FHIT: variants seen among roughly 807,000 people sequenced by gnomAD.
FHIT encodes the protein fragile histidine triad diadenosine triphosphatase, also known as bis(5'-adenosyl)-triphosphatase.
In FHIT, 19 loss-of-function variants were observed where a neutral mutation model predicts 17.9. That is an observed-to-expected ratio of 1.06 (90% CI 0.74 to 1.56). The LOEUF is 1.56. Among genes scored for constraint, FHIT ranks in the 40% most tolerant of loss-of-function variants. The pLI is 0.00. For synonymous variants in FHIT, 81 were observed against 69.7 expected, an observed-to-expected ratio of 1.16 and a Z score of -0.81; for missense variants, 248 against 189.2, an observed-to-expected ratio of 1.31 and a Z score of -1.82.
intron 3 of FHIT, among the ~76,000 whole-genome samples, chr3:60,850,315 G>A (rs1349463383): frequency 2.8e-5 from 4 of 145,442 alleles, no homozygotes; most frequent in Non-Finnish European, 4.5e-5. Context: ...GGGCCTTTGT[G>A]TCTGCACTTC....
At chr3:60,599,240 A>G (rs1376992742) in intron 4 of FHIT, among the ~76,000 whole-genome samples, 1 of 152,146 alleles carries the variant, frequency 6.6e-6, no homozygotes, top group Non-Finnish European at 1.5e-5. Context: ...AAAGGGGCTC[A>G]CTATTCTTCC....
intron 5 of FHIT, among the ~76,000 whole-genome samples, chr3:60,322,536 G>C (rs1051192960): frequency 3.3e-5 from 5 of 152,130 alleles, no homozygotes; most frequent in Admixed American, 2.0e-4. Context: ...ACTTTTACAG[G>C]TTCACCCAGT....
chr3:59,946,106 T>C (rs376643417), intron 7 of FHIT, among the ~76,000 whole-genome samples: 1 of 152,226 alleles, frequency 6.6e-6, no homozygotes, highest in East Asian at 1.9e-4. Context: ...AATCTATAAA[T>C]TGCTTTGGGC....
At chr3:61,102,494 G>A (rs1336149736) in intron 2 of FHIT, among the ~76,000 whole-genome samples, 2 of 152,136 alleles carry the variant, frequency 1.3e-5, no homozygotes, top group Non-Finnish European at 2.9e-5. Flanking sequence ...ATGTTCATTA[G>A]GGATATTGGT....
intron 2 of FHIT, among the ~76,000 whole-genome samples, chr3:61,148,364 A>G (rs538594529): frequency 6.6e-6 from 1 of 152,280 alleles, no homozygotes; most frequent in South Asian, 2.1e-4. Context: ...GATCCTTTCT[A>G]GCAATAGTCT....
At position 59,793,616 on chromosome 3, in the gene FHIT, A is replaced by G. The variant is rs146042633; in HGVS notation, c.349-41295T>C. On this transcript the variant is annotated intron_variant, in intron 8 of 9. Transcript: ENST00000492590. ...TCAGTCCTTGCGAGAATTCAATGAA[A>G]ATTTCCTTCCAAGCATGGTCCGAAG... is the stretch of plus-strand genomic sequence containing the variant. 2.8e-4 allele frequency among the ~76,000 whole-genome samples: 43 copies of G among 152,220 alleles called. 1 individual carries two copies. The East Asian group carries it at 8.1e-3, about 29-fold the overall frequency.
intron 5 of FHIT, among the ~76,000 whole-genome samples, chr3:60,210,312 T>C (rs151193418): frequency 6.6e-6 from 1 of 151,966 alleles, no homozygotes; most frequent in African/African-American, 2.4e-5. Context: ...TCCAAATGGA[T>C]CAACTATTTA....
chr3:61,162,282 G>T (rs1264104658), intron 2 of FHIT, among the ~76,000 whole-genome samples: 8 of 152,122 alleles, frequency 5.3e-5, no homozygotes, highest in Non-Finnish European at 8.8e-5. Context: ...TCTAAGAGGG[G>T]CTCCTGAATG....
At chr3:60,252,343 A>C (rs1169890920) in intron 5 of FHIT, among the ~76,000 whole-genome samples, 1 of 152,152 alleles carries the variant, frequency 6.6e-6, no homozygotes, top group African/African-American at 2.4e-5. Flanking sequence ...CAGGAGTTTA[A>C]GACCAGCCTG....
At chr3:59,799,942 A>C (rs745464476) in intron 8 of FHIT, among the ~76,000 whole-genome samples, 1 of 152,202 alleles carries the variant, frequency 6.6e-6, no homozygotes, top group Non-Finnish European at 1.5e-5. Flanking sequence ...AAAGGGAACA[A>C]AGAGAGACAT....
At chr3:60,282,144 A>C (rs143452461) in intron 5 of FHIT, among the ~76,000 whole-genome samples, 181 of 152,310 alleles carry the variant, frequency 1.2e-3, no homozygotes, top group African/African-American at 4.2e-3. Context: ...AGAATGCAGT[A>C]ACCAAGTTCC....
chr3:61,222,496 C>T (rs2039866640), intron 1 of FHIT, among the ~76,000 whole-genome samples: 1 of 152,204 alleles, frequency 6.6e-6, no homozygotes, highest in Non-Finnish European at 1.5e-5. Flanking sequence ...AAGATTTCTG[C>T]TCTCTTTACT....
At chr3:60,630,613 C>G (rs2039412852) in intron 4 of FHIT, among the ~76,000 whole-genome samples, 2 of 152,156 alleles carry the variant, frequency 1.3e-5, no homozygotes, top group Admixed American at 6.5e-5. Flanking sequence ...TTTGTCTTAG[C>G]AGTGTCTGCC....
chr3:61,014,808 A>AT lies in FHIT; in HGVS notation c.-111+27238dup, dbSNP rs1553798851. On this transcript the variant is annotated intron_variant, in intron 3 of 9. Coordinates refer to ENST00000492590, the MANE Select transcript of FHIT (RefSeq NM_002012.4). ...AAAAAAAAAAAAAAAAAAAAAAAAA[A>AT]TATATATATATATATATGTATACAC... Among the ~76,000 whole-genome samples the AT allele has an allele frequency of 6.3e-4, 17 of 26,974 alleles. 2 individuals carry two copies. The highest frequency in any genetic ancestry group is 1.2e-3 in the African/African-American group (14 of 12,118). 17.7% of individuals were successfully genotyped at this position (26,974 alleles called of 152,430 possible). A position where few individuals can be genotyped will look rare whatever the true frequency, so the allele number is the denominator to read the frequency against.
chr3:61,042,178 C>T (rs1411786650), intron 2 of FHIT, 79 bp from the exon 3 acceptor site: 1 of 152,144 alleles, frequency 6.6e-6, no homozygotes, highest in Non-Finnish European at 1.5e-5. Context: ...AGCACTGATA[C>T]CAGACTCTTA....
At chr3:61,250,701 A>G (rs2040601325) in intron 1 of FHIT, among the ~76,000 whole-genome samples, 1 of 151,678 alleles carries the variant, frequency 6.6e-6, no homozygotes, top group South Asian at 2.1e-4. Flanking sequence ...CTTTGACGCT[A>G]AAAATAAAAA....
In FHIT at chr3:60,470,542, G is replaced by T. The variant is rs2033036180; in HGVS notation, c.103+66318C>A. On this transcript the variant is annotated intron_variant, in intron 5 of 9. Coordinates refer to ENST00000492590, the MANE Select transcript of FHIT (RefSeq NM_002012.4). ...TGGCTACCAATGACATTCACTCGAG[G>T]TCCAAGGGCTCTTCAGTGAGCTTGT... Among the ~76,000 whole-genome samples the T allele has an allele frequency of 2.6e-5, 4 of 151,956 alleles. No homozygotes were observed. In the South Asian group the frequency reaches 8.3e-4, roughly 32 times the overall value.
chr3:59,794,960 G>A (rs1173019176), intron 8 of FHIT, among the ~76,000 whole-genome samples: 2 of 152,138 alleles, frequency 1.3e-5, no homozygotes, highest in African/African-American at 4.8e-5. Context: ...ACTTTACCAT[G>A]GCTCAGTTTC....
At chr3:61,035,465 C>T (rs1163436977) in intron 3 of FHIT, among the ~76,000 whole-genome samples, 1 of 152,144 alleles carries the variant, frequency 6.6e-6, no homozygotes, top group Non-Finnish European at 1.5e-5. Flanking sequence ...CCAAAATTTA[C>T]TTTGCATATA....
Sources: allele counts gnomAD v4.1 joint callset (sites outside exome capture counted in the v4.1 genomes callset), GRCh38; gene constraint gnomAD v4.1.1; transcripts MANE v1.5; gene names NCBI Gene and HGNC (gene_info 2026-07-23, HGNC 2026-07-21).